The following GCFC2 variants were observed in gnomAD, a reference collection of about 807,000 sequenced individuals.
GCFC2 encodes the protein intron Large complex component GCFC2.
Under a neutral mutation model 99.4 loss-of-function variants are expected in GCFC2, and 102 were observed. The observed-to-expected ratio is 1.03, with a 90% CI of 0.87 to 1.21. The LOEUF (loss-of-function observed/expected upper bound fraction) is 1.21. Ranked by LOEUF, GCFC2 falls within the 50% of genes most tolerant of loss-of-function variation. The pLI is 0.00. For missense variants in GCFC2, 973 were observed against 920.9 expected, an observed-to-expected ratio of 1.06 and a Z score of -0.73; for synonymous variants, 338 against 316.8, an observed-to-expected ratio of 1.07 and a Z score of -0.71.
intron 14 of GCFC2, among the ~76,000 whole-genome samples, chr2:75,671,232 C>T (rs192795194): frequency 6.6e-6 from 1 of 152,112 alleles, no homozygotes; most frequent in Non-Finnish European, 1.5e-5. Context: ...GTTAGTATTT[C>T]CCGAGGTTCT....
chr2:75,673,095 G>C (rs557955988), intron 13 of GCFC2, among the ~76,000 whole-genome samples: 1 of 152,072 alleles, frequency 6.6e-6, no homozygotes, highest in South Asian at 2.1e-4. Flanking sequence ...CGGATCACAA[G>C]GTCAGGAGAT....
chr2:75,667,616 CTT>C (rs1217461315), intron 15 of GCFC2, among the ~76,000 whole-genome samples: 2 of 152,128 alleles, frequency 1.3e-5, no homozygotes, highest in African/African-American at 4.8e-5. Context: ...TAAAACCACC[CTT>C]TACTATTGAA....
intron 4 of GCFC2, among the ~76,000 whole-genome samples, chr2:75,698,959 C>CCGAGATCA: frequency 6.6e-6 from 1 of 151,388 alleles, no homozygotes; most frequent in Admixed American, 6.6e-5. Context: ...TTGCAGTGAG[C>CCGAGATCA]CGAGATCATG....
At chr2:75,710,507 C>A in intron 1 of GCFC2, 84 bp downstream of exon 1, 2 of 1,402,424 alleles carry the variant, frequency 1.4e-6, no homozygotes, top group Non-Finnish European at 1.8e-6. Context: ...AGTTATAGAA[C>A]CCCCAGAGAA....
At chr2:75,712,368 G>A (rs188774548), upstream of GCFC2, among the ~76,000 whole-genome samples, 142 of 152,320 alleles carry the variant, frequency 9.3e-4, 1 homozygote, top group African/African-American at 3.3e-3. Flanking sequence ...GCTCTGGTGA[G>A]GCCTTGGAGA....
chr2:75,693,367 G>C (rs1234804617), intron 6 of GCFC2, among the ~76,000 whole-genome samples: 2 of 152,156 alleles, frequency 1.3e-5, no homozygotes, highest in East Asian at 3.9e-4. Context: ...TTGAACCTAG[G>C]AGGCAGAGGT....
At chr2:75,675,274 G>A (rs887108699) in intron 12 of GCFC2, among the ~76,000 whole-genome samples, 2 of 151,952 alleles carry the variant, frequency 1.3e-5, no homozygotes, top group Non-Finnish European at 2.9e-5. Flanking sequence ...TCAGTACTCA[G>A]GAGAAAACAT....
chr2:75,704,367 T>C (rs1174479041), intron 2 of GCFC2, among the ~76,000 whole-genome samples: 1 of 152,148 alleles, frequency 6.6e-6, no homozygotes, highest in African/African-American at 2.4e-5. Context: ...AATTAACACA[T>C]TCCTCCATCT....
At chr2:75,701,472 G>A in intron 3 of GCFC2, 185 bp from the exon 4 acceptor site, 1 of 583,222 alleles carries the variant, frequency 1.7e-6, no homozygotes, top group Non-Finnish European at 3.0e-6. Flanking sequence ...TGCAAATATT[G>A]GGAGGTTAAG....
At chr2:75,692,769 A>G (rs549256929) in intron 6 of GCFC2, among the ~76,000 whole-genome samples, 14 of 152,206 alleles carry the variant, frequency 9.2e-5, no homozygotes, top group African/African-American at 3.1e-4. Context: ...GATGTTTTCC[A>G]GGCTGAGGGT....
chr2:75,710,914 G>A lies in GCFC2; in HGVS notation c.-59C>T. On this transcript the variant is annotated 5_prime_UTR_variant, in exon 1 of 17. Transcript: ENST00000321027. ...CGCTGAACCGCAAGCCGCAGCTTCA[G>A]TGCCCGCCCCCTAGGGCGCGCTCCC... The A allele has an allele frequency of 8.4e-6, 12 of 1,436,674 alleles. No homozygotes were observed. Among genetic ancestry groups the A allele is most frequent in the South Asian group, 1.5e-5 (1 of 67,794 alleles). The allele number at this position is 1,436,674 out of a possible 1,614,324, so 89.0% of individuals were successfully genotyped here.
At position 75,665,924 on chromosome 2, in the gene GCFC2, A is replaced by T; in HGVS notation, c.2228+5T>A. On this transcript the variant is annotated splice_donor_5th_base_variant and intron_variant, in intron 16 of 16. Coordinates refer to ENST00000321027, the MANE Select transcript of GCFC2 (RefSeq NM_003203.5). The stretch of plus-strand genomic sequence containing the variant: ...TTATAGAAGTGAAAATAAAATATGC[A>T]TTACCTGAATTCACTTCTAGATAAT... 6.4e-7 allele frequency: 1 copy of T among 1,566,604 alleles called. No homozygotes were observed. The highest frequency in any genetic ancestry group is 1.4e-5 in the African/African-American group (1 of 73,546).
chr2:75,710,723 G>A lies in GCFC2; in HGVS notation c.133C>T (p.Pro45Ser). The change falls in exon 1 of 17, where the codon CCG becomes TCG. Residue 45 changes from proline (P) to serine (S), a missense_variant. Coordinates refer to ENST00000321027, the MANE Select transcript of GCFC2 (RefSeq NM_003203.5). ...TGCGCGCGGCCTCCTCCAGAGGGCG[G>A]CTCTTCCTCCGCAGAACCCGGGACC... Reference protein sequence around the residue: ...LPVPGSAEEEPPSGGGRAQVA... With the variant: ...LPVPGSAEEESPSGGGRAQVA... 2 of 1,553,634 alleles carry A rather than the reference G, an allele frequency of 1.3e-6. No homozygotes were observed. The highest frequency in any genetic ancestry group is 2.8e-5 in the African/African-American group (2 of 71,200).
intron 12 of GCFC2, among the ~76,000 whole-genome samples, 159 bp downstream of exon 12, chr2:75,680,029 GCAGTC>G (rs1679500113): frequency 6.6e-6 from 1 of 152,016 alleles, no homozygotes; most frequent in East Asian, 1.9e-4. Flanking sequence ...TCATCTCAGT[GCAGTC>G]TGAGAAAAAG....
At position 75,696,212 on chromosome 2, in the gene GCFC2, T is replaced by G. The variant is rs766366383; in HGVS notation, c.821A>C (p.Gln274Pro). 8.1e-7 allele frequency: 1 copy of G among 1,239,342 alleles called. No homozygotes were observed. The highest frequency in any genetic ancestry group is 2.3e-5 in the East Asian group (1 of 43,040). The allele number at this position is 1,239,342 out of a possible 1,614,324, so 76.8% of individuals were successfully genotyped here. The change falls in exon 5 of 17, where the codon CAA (glutamine) becomes CCA (proline). Residue 274 changes from glutamine (Q) to proline (P), a missense_variant. Transcript: ENST00000321027. Reference protein sequence around the residue: ...PPVNLEIIKKQLNTRLTLLQE... With the variant: ...PPVNLEIIKKPLNTRLTLLQE... ...GAGTATTGCTCACCTAGTATTTAAT[T>G]GCTTCTTTATAATTTCTAAATTTAC...
At position 75,690,846 on chromosome 2, in the gene GCFC2, A is replaced by G. The variant is rs111761777; in HGVS notation, c.1145-127T>C. ...TATGTAAATACATAAATATGCTTAA[A>G]TTTTGCAATTAATTATGCAATGACA... On this transcript the variant is annotated intron_variant, in intron 7 of 16. Coordinates refer to ENST00000321027, the MANE Select transcript of GCFC2 (RefSeq NM_003203.5). 8.4e-4 allele frequency: 481 copies of G among 573,414 alleles called. 3 individuals are homozygous for G. The highest frequency in any genetic ancestry group is 6.2e-3 in the African/African-American group (321 of 52,110). The allele number at this position is 573,414 out of a possible 1,614,324, so 35.5% of individuals were successfully genotyped here. A position where few individuals can be genotyped will look rare whatever the true frequency, so the allele number is the denominator to read the frequency against.
Position 75,664,196 on chromosome 2 carries a change from G to C in GCFC2, c.*470C>G, listed in dbSNP as rs1260018327. The C allele has an allele frequency of 2.6e-5, 4 of 152,268 alleles. No individual in the cohort carries two copies. Among genetic ancestry groups the C allele is most frequent in the African/African-American group, 9.6e-5 (4 of 41,472 alleles). The allele number at this position is 152,268 out of a possible 1,614,324, so 9.4% of individuals were successfully genotyped here. Reference sequence around the variant, plus strand: ...GGTACAGATTTCTGAAGGATAATTTGACAATCGGCACATGCCTTAATCATT... The same window carrying C: ...GGTACAGATTTCTGAAGGATAATTTCACAATCGGCACATGCCTTAATCATT... On this transcript the variant is annotated 3_prime_UTR_variant, in exon 17 of 17. Coordinates refer to ENST00000321027, the MANE Select transcript of GCFC2 (RefSeq NM_003203.5).
intron 5 of GCFC2, 100 bp from the exon 6 acceptor site, chr2:75,694,527 A>T: frequency 2.2e-6 from 1 of 464,728 alleles, no homozygotes; most frequent in Non-Finnish European, 3.6e-6. Flanking sequence ...ACTGACAATC[A>T]TATAAATCTG....
At position 75,691,972 on chromosome 2, in the gene GCFC2, C is replaced by G; in HGVS notation, c.1144+5G>C. 6.8e-7 allele frequency: 1 copy of G among 1,475,672 alleles called. No individual in the cohort carries two copies. Among genetic ancestry groups the G allele is most frequent in the Non-Finnish European group, 9.1e-7 (1 of 1,097,266 alleles). 91.4% of individuals were successfully genotyped at this position (1,475,672 alleles called of 1,614,324 possible). On this transcript the variant is annotated splice_donor_5th_base_variant and intron_variant, in intron 7 of 16. Coordinates refer to ENST00000321027, the MANE Select transcript of GCFC2 (RefSeq NM_003203.5). ...TAAATTGTATGGAACACGAAAAACA[C>G]TAACGTGATAACTGTTGTAAATACG...
Sources: allele counts gnomAD v4.1 joint callset (sites outside exome capture counted in the v4.1 genomes callset), GRCh38; gene constraint gnomAD v4.1.1; transcripts MANE v1.5; gene names NCBI Gene and HGNC (gene_info 2026-07-23, HGNC 2026-07-21).